The following SLC5A6 variants were observed in gnomAD, a reference collection of about 807,000 sequenced individuals.
SLC5A6 encodes sodium-dependent multivitamin transporter.
A neutral mutation model predicts 67.9 loss-of-function variants in SLC5A6; 31 were observed. The observed-to-expected ratio is 0.46, with a 90% CI of 0.34 to 0.62. The LOEUF (loss-of-function observed/expected upper bound fraction) is 0.62. Among genes scored for constraint, SLC5A6 ranks in the 20% least tolerant of loss-of-function variants. The pLI, the probability that SLC5A6 is intolerant of heterozygous loss-of-function variation, is 0.01. For missense variants in SLC5A6, 673 were observed against 812.8 expected (o/e 0.83, Z 2.09); for synonymous variants, 343 against 331.0 (o/e 1.04, Z -0.39).
intron 14 of SLC5A6, 55 bp downstream of exon 14, chr2:27,201,611 A>G (rs1673639792): frequency 1.9e-6 from 3 of 1,559,822 alleles, no homozygotes; most frequent in Admixed American, 3.4e-5. Context: ...GACCCCTGTG[A>G]AAGCCCTCAA....
At chr2:27,205,919 A>G (rs1479029125) in intron 6 of SLC5A6, 107 bp downstream of exon 6, 5 of 800,160 alleles carry the variant, frequency 6.2e-6, no homozygotes, top group Non-Finnish European at 1.0e-5. Flanking sequence ...AATTTCACCT[A>G]TTCTCCTCAT....
rs1398571055 is a variant in SLC5A6, at chr2:27,206,501, A to ACGG, written c.490_492dup (p.Pro164dup). ...TCCTCACCTGCATTGAGAGCCAATGACGGAGCATAGAGCACAACTCCCATG... is the reference window on the plus strand; with the variant it reads ...TCCTCACCTGCATTGAGAGCCAATGACGGCGGAGCATAGAGCACAACTCCCATG... On this transcript the variant is annotated inframe_insertion, in exon 5 of 17. Transcript: ENST00000310574. The ACGG allele has an allele frequency of 6.2e-7, 1 of 1,614,196 alleles. No homozygotes were observed. Among genetic ancestry groups the ACGG allele is most frequent in the Middle Eastern group, 1.6e-4 (1 of 6,062 alleles).
rs775950585 is a variant in SLC5A6, at chr2:27,200,570, C to T, written c.1774G>A (p.Asp592Asn). Reference sequence around the variant, plus strand: ...GGCTTCTCAGGAAACAGGCCAGTGTCGAGGTGGTCCTGCAAACACAGAGCC... The same window carrying T: ...GGCTTCTCAGGAAACAGGCCAGTGTTGAGGTGGTCCTGCAAACACAGAGCC... ...HCRSYGQDHL[D>N]TGLFPEKPRN... The change falls in exon 17 of 17, where the codon GAC (aspartate) becomes AAC (asparagine). Residue 592 changes from aspartate to asparagine, a missense_variant. By Grantham distance (23) the Asp-to-Asn change is conservative (BLOSUM62 1). Transcript: ENST00000310574. 161 of 1,611,726 alleles carry T rather than the reference C, an allele frequency of 1.0e-4. No individual in the cohort carries two copies. Among genetic ancestry groups the T allele is most frequent in the Non-Finnish European group, 1.2e-4 (140 of 1,178,872 alleles).
At chr2:27,201,638 A>G in intron 14 of SLC5A6, 28 bp downstream of exon 14, 1 of 1,607,048 alleles carries the variant, frequency 6.2e-7, no homozygotes, top group South Asian at 1.1e-5. Context: ...GCTTTGAGAA[A>G]ACAAGAAGAT....
chr2:27,212,234 G>T lies in SLC5A6; in HGVS notation c.-422C>A, dbSNP rs1674593644. On this transcript the variant is annotated 5_prime_UTR_variant, in exon 1 of 17. Coordinates refer to ENST00000310574, the MANE Select transcript of SLC5A6 (RefSeq NM_021095.4). ...GACCAGCGCAGAGCTCCACGAGCAG[G>T]AAAAGCCCCCAAGCAGCCCCAGGGC... 1.9e-6 allele frequency: 3 copies of T among 1,561,264 alleles called. No homozygotes were observed. Among genetic ancestry groups the T allele is most frequent in the Non-Finnish European group, 2.6e-6 (3 of 1,153,266 alleles).
chr2:27,200,315 T>C lies in SLC5A6; in HGVS notation c.*121A>G. ...AACCTCTCAGAACAAGGTCCTTTGG[T>C]ATGAGCTAGATCATCCAGGCCTGTC... On this transcript the variant is annotated 3_prime_UTR_variant, in exon 17 of 17. Transcript: ENST00000310574. The C allele has an allele frequency of 1.0e-6, 1 of 957,498 alleles. No homozygotes were observed. The highest frequency in any genetic ancestry group is 2.8e-5 in the East Asian group (1 of 36,282). The allele number at this position is 957,498 out of a possible 1,614,324, so 59.3% of individuals were successfully genotyped here. A position where few individuals can be genotyped will look rare whatever the true frequency, so the allele number is the denominator to read the frequency against.
upstream of SLC5A6, chr2:27,212,623 A>T: frequency 7.1e-7 from 1 of 1,414,420 alleles, no homozygotes; most frequent in Non-Finnish European, 9.2e-7. Flanking sequence ...GTTCCCAAGT[A>T]CTCACGTCGT....
chr2:27,209,315 C>T (rs1328914086), intron 2 of SLC5A6, among the ~76,000 whole-genome samples: 1 of 152,244 alleles, frequency 6.6e-6, no homozygotes, highest in Non-Finnish European at 1.5e-5. Flanking sequence ...TGTAGTTACA[C>T]AGCCTAACAT....
chr2:27,210,790 G>A (rs969939952), intron 2 of SLC5A6, among the ~76,000 whole-genome samples: 4 of 151,930 alleles, frequency 2.6e-5, no homozygotes, highest in Non-Finnish European at 4.4e-5. Flanking sequence ...TTGGGAGGCC[G>A]AGGCGGGCAG....
At chr2:27,204,317 C>T (rs1673885011) in intron 9 of SLC5A6, 144 bp downstream of exon 9, 1 of 884,520 alleles carries the variant, frequency 1.1e-6, no homozygotes, top group African/African-American at 1.7e-5. Flanking sequence ...ATGCTAGATT[C>T]CTAGCATCTC....
rs1441035769 is a variant in SLC5A6, at chr2:27,200,314, G to A, written c.*122C>T. The A allele has an allele frequency of 4.2e-6, 4 of 949,668 alleles. No individual in the cohort carries two copies. In the African/African-American group the frequency reaches 6.6e-5, roughly 16 times the overall value. 58.8% of individuals were successfully genotyped at this position (949,668 alleles called of 1,614,324 possible). On this transcript the variant is annotated 3_prime_UTR_variant, in exon 17 of 17. Coordinates refer to ENST00000310574, the MANE Select transcript of SLC5A6 (RefSeq NM_021095.4). ...GAACCTCTCAGAACAAGGTCCTTTG[G>A]TATGAGCTAGATCATCCAGGCCTGT...
intron 16 of SLC5A6, among the ~76,000 whole-genome samples, 191 bp from the exon 17 acceptor site, chr2:27,200,770 G>A (rs1673562594): frequency 6.6e-6 from 1 of 152,204 alleles, no homozygotes; most frequent in Admixed American, 6.5e-5. Flanking sequence ...GAGCTGACTG[G>A]CCCAGGCTGG....
rs569808347 is a variant in SLC5A6, at chr2:27,203,654, A to G, written c.1094+125T>C. 1.2e-5 allele frequency: 9 copies of G among 738,762 alleles called. No homozygotes were observed. The South Asian group carries it at 1.5e-4, about 12-fold the overall frequency. 45.8% of individuals were successfully genotyped at this position (738,762 alleles called of 1,614,324 possible). Reference sequence around the variant, plus strand: ...GAGCTATCCCTTGTCATGCACACAGATGGGGCAGGCACAGTGAGAAACTTA... The same window carrying G: ...GAGCTATCCCTTGTCATGCACACAGGTGGGGCAGGCACAGTGAGAAACTTA... On this transcript the variant is annotated intron_variant, in intron 10 of 16. Transcript: ENST00000310574.
rs1204497466 is a variant in SLC5A6, at chr2:27,204,898, G to C, written c.768C>G (p.Phe256Leu). The C allele has an allele frequency of 6.2e-6, 10 of 1,614,074 alleles. No homozygotes were observed. The highest frequency in any genetic ancestry group is 8.5e-6 in the Non-Finnish European group (10 of 1,180,022). The change falls in exon 8 of 17, where the codon TTC becomes TTG. Residue 256 changes from phenylalanine (F) to leucine (L), a missense_variant. Phe to Leu is a conservative substitution (Grantham distance 22). Coordinates refer to ENST00000310574, the MANE Select transcript of SLC5A6 (RefSeq NM_021095.4). ...LDPDPFVRHTFWTLAFGGVFM... is the reference protein window; with the variant it reads ...LDPDPFVRHTLWTLAFGGVFM... ...AGACACCCCCGAAGGCCAAGGTCCA[G>C]AAGGTGTGCCGCACAAAGGGGTCTG... is the stretch of plus-strand genomic sequence containing the variant.
At chr2:27,205,604 T>C in intron 6 of SLC5A6, 100 bp from the exon 7 acceptor site, 2 of 1,467,216 alleles carry the variant, frequency 1.4e-6, no homozygotes, top group Non-Finnish European at 1.9e-6. Context: ...TTGTTTTGTT[T>C]TGTTTTAGGC....
intron 2 of SLC5A6, among the ~76,000 whole-genome samples, chr2:27,210,198 T>C (rs1398032111): frequency 3.9e-5 from 6 of 152,180 alleles, no homozygotes; most frequent in Admixed American, 2.6e-4. Flanking sequence ...ATTTGCATGA[T>C]GTATGGAGAA....
Position 27,204,866 on chromosome 2 carries a change from A to G in SLC5A6, c.800T>C (p.Met267Thr), listed in dbSNP as rs776838128. Residue 267 changes from methionine to threonine, a missense_variant, in exon 8 of 17, where the codon ATG becomes ACG. Coordinates refer to ENST00000310574, the MANE Select transcript of SLC5A6 (RefSeq NM_021095.4). Reference sequence around the variant, plus strand: ...CTGGTTCACCCCGTATAAGGAGAGCATCATGAAGACACCCCCGAAGGCCAA... The same window carrying G: ...CTGGTTCACCCCGTATAAGGAGAGCGTCATGAAGACACCCCCGAAGGCCAA... ...WTLAFGGVFMMLSLYGVNQAQ... is the reference protein window; with the variant it reads ...WTLAFGGVFMTLSLYGVNQAQ... The G allele has an allele frequency of 1.9e-6, 3 of 1,614,178 alleles. No homozygotes were observed. The South Asian group carries it at 3.3e-5, about 18-fold the overall frequency.
At position 27,207,227 on chromosome 2, in the gene SLC5A6, C is replaced by T; in HGVS notation, c.393+31G>A. 6.2e-7 allele frequency: 1 copy of T among 1,606,914 alleles called. No individual in the cohort carries two copies. ...CCTCCTCTCCACCCCAACCCGTGTC[C>T]CACGCACTTCTCCCTTCTGTCCCTG... On this transcript the variant is annotated intron_variant, in intron 3 of 16. Transcript: ENST00000310574. The surrounding 1 kb of genome is among the most constrained non-coding windows in gnomAD (Gnocchi z 5.5).
In SLC5A6 at chr2:27,205,412, C is replaced by T. The variant is rs763574549; in HGVS notation, c.672G>A (p.Lys224=). Residue 224 remains lysine, a synonymous_variant, in exon 7 of 17, where the codon AAG becomes AAA. Coordinates refer to ENST00000310574, the MANE Select transcript of SLC5A6 (RefSeq NM_021095.4). ...QLAVIIVGSA[K]VGGLGRVWAV... ...CCCACACACGCCCCAAGCCGCCCACCTTGGCTGACCCCACAATGATAACTG... is the reference window on the plus strand; with the variant it reads ...CCCACACACGCCCCAAGCCGCCCACTTTGGCTGACCCCACAATGATAACTG... 1 of 1,614,162 alleles carries T rather than the reference C, an allele frequency of 6.2e-7. No individual in the cohort carries two copies. The highest frequency in any genetic ancestry group is 1.7e-5 in the Admixed American group (1 of 60,024).
Sources: gnomAD v4.1 joint callset for allele counts (sites outside exome capture counted in the v4.1 genomes callset) on GRCh38, gnomAD v4.1.1 for gene constraint, Gnocchi (gnomAD v3.1) non-coding constraint, MANE v1.5 for transcripts, NCBI Gene and HGNC (gene_info 2026-07-23, HGNC 2026-07-21) for gene names.